The following NDST4 variants were observed in gnomAD, a reference collection of about 807,000 sequenced individuals.
NDST4 encodes the protein N-deacetylase and N-sulfotransferase 4.
In NDST4, 63 loss-of-function variants were observed where a neutral mutation model predicts 100.8. That is an observed-to-expected ratio of 0.62 (90% CI 0.51 to 0.77). The LOEUF (loss-of-function observed/expected upper bound fraction) is 0.77. Ranked by LOEUF, NDST4 falls within the 30% of genes least tolerant of loss-of-function variation. The pLI, the probability that NDST4 is intolerant of heterozygous loss-of-function variation, is 0.00. For missense variants in NDST4, 943 were observed against 1,018.4 expected (o/e 0.93, Z 1.01); for synonymous variants, 377 against 361.8 (o/e 1.04, Z -0.48).
intron 4 of NDST4, among the ~76,000 whole-genome samples, chr4:114,964,429 TTATAGTC>T (rs1229295435): frequency 1.3e-5 from 2 of 152,186 alleles, no homozygotes; most frequent in African/African-American, 4.8e-5. Flanking sequence ...TTTTAGGTCT[TTATAGTC>T]TAAGTAACTT....
At chr4:115,010,047 A>C (rs1727508276) in intron 2 of NDST4, among the ~76,000 whole-genome samples, 2 of 112,354 alleles carry the variant, frequency 1.8e-5, no homozygotes, top group Middle Eastern at 5.2e-3. Context: ...CAGGTGCTGG[A>C]GAGGATGTGG....
chr4:114,883,506 A>T (rs568398249), intron 6 of NDST4, among the ~76,000 whole-genome samples: 1 of 152,272 alleles, frequency 6.6e-6, no homozygotes, highest in Admixed American at 6.6e-5. Flanking sequence ...TGCAATGTTC[A>T]ATTAAAACCT....
intron 2 of NDST4, among the ~76,000 whole-genome samples, chr4:114,986,793 C>CATACATACATATATATATAT (rs1553959380): frequency 1.1e-5 from 1 of 91,148 alleles, no homozygotes; most frequent in African/African-American, 4.5e-5. Context: ...TCCAATTATA[C>CATACATACATATATATATAT]ATATATATAT....
intron 6 of NDST4, among the ~76,000 whole-genome samples, chr4:114,915,611 G>A (rs1420299554): frequency 6.6e-6 from 1 of 152,064 alleles, no homozygotes. Flanking sequence ...AAGACACTAA[G>A]TAAACTAATG....
chr4:114,942,207 C>A (rs1725765218), intron 4 of NDST4, among the ~76,000 whole-genome samples: 1 of 152,108 alleles, frequency 6.6e-6, no homozygotes, highest in Non-Finnish European at 1.5e-5. Context: ...TTAAACTACA[C>A]TTGAAATAAT....
chr4:114,839,088 T>C (rs1271399673), intron 11 of NDST4, among the ~76,000 whole-genome samples: 2 of 152,180 alleles, frequency 1.3e-5, no homozygotes, highest in Non-Finnish European at 2.9e-5. Flanking sequence ...ACTTATCACC[T>C]TGAAACTAGC....
At chr4:115,029,547 A>G (rs1728070692) in intron 2 of NDST4, among the ~76,000 whole-genome samples, 1 of 152,142 alleles carries the variant, frequency 6.6e-6, no homozygotes, top group African/African-American at 2.4e-5. Context: ...CATCTAGGAT[A>G]AAGTAGGGAT....
rs775011469 is a variant in NDST4, at chr4:114,848,302, G to C, written c.1853C>G (p.Pro618Arg). 39 of 1,604,876 alleles carry C rather than the reference G, an allele frequency of 2.4e-5. No individual in the cohort carries two copies. In the African/African-American group the frequency reaches 4.7e-4, roughly 19 times the overall value. ...TALYLFLLMHPSIISNLPSPK... is the reference protein window; with the variant it reads ...TALYLFLLMHRSIISNLPSPK... Reference sequence around the variant, plus strand: ...ACTAGGGAGATTGCTGATGATTGAAGGATGCATAAGAAGAAATAAATAAAG... The same window carrying C: ...ACTAGGGAGATTGCTGATGATTGAACGATGCATAAGAAGAAATAAATAAAG... Residue 618 changes from proline to arginine, a missense_variant, in exon 9 of 14, where the codon CCT becomes CGT. Around this residue, in one of 2 missense-constraint regions of NDST4, gnomAD observed 526 missense variants for 634.1 expected, o/e 0.83. Coordinates refer to ENST00000264363, the MANE Select transcript of NDST4 (RefSeq NM_022569.3).
intron 1 of NDST4, among the ~76,000 whole-genome samples, chr4:115,089,186 G>C (rs989856542): frequency 3.9e-5 from 6 of 151,952 alleles, no homozygotes; most frequent in African/African-American, 1.4e-4. Context: ...TGGATGGAAG[G>C]AGTCTGAACT....
At chr4:115,009,036 G>A (rs1727483321) in intron 2 of NDST4, among the ~76,000 whole-genome samples, 1 of 125,686 alleles carries the variant, frequency 8.0e-6, no homozygotes, top group Non-Finnish European at 1.7e-5. Flanking sequence ...AATAAAAGAG[G>A]ATACAAAGAA....
intron 1 of NDST4, among the ~76,000 whole-genome samples, chr4:115,093,481 TA>T (rs796281054): frequency 6.2e-5 from 9 of 146,134 alleles, no homozygotes; most frequent in Non-Finnish European, 1.4e-4. Context: ...TCTCAAAAAA[TA>T]AAAAAAAAAT....
chr4:114,998,756 G>T (rs1727219117), intron 2 of NDST4, among the ~76,000 whole-genome samples: 1 of 151,972 alleles, frequency 6.6e-6, no homozygotes, highest in African/African-American at 2.4e-5. Context: ...CCATTTCCCT[G>T]GGAAACTGCT....
intron 1 of NDST4, among the ~76,000 whole-genome samples, chr4:115,111,792 G>T (rs1017993804): frequency 1.3e-5 from 2 of 151,526 alleles, no homozygotes; most frequent in Non-Finnish European, 3.0e-5. Flanking sequence ...GAGTTAAAAG[G>T]CCCATTCTGC....
At chr4:114,840,416 A>T (rs1368721961) in intron 10 of NDST4, among the ~76,000 whole-genome samples, 1 of 152,224 alleles carries the variant, frequency 6.6e-6, no homozygotes, top group Non-Finnish European at 1.5e-5. Context: ...TCTTCAAAGA[A>T]ATCAGATCTA....
chr4:114,929,117 T>TCC (rs1560817145), intron 6 of NDST4, among the ~76,000 whole-genome samples: 82 of 111,096 alleles, frequency 7.4e-4, no homozygotes, highest in East Asian at 3.1e-3. Context: ...TCCATCCATC[T>TCC]ATCTATCTAT....
chr4:114,849,658 A>G (rs1011619408), intron 8 of NDST4, among the ~76,000 whole-genome samples: 4 of 152,232 alleles, frequency 2.6e-5, no homozygotes, highest in African/African-American at 7.2e-5. Context: ...TAAAACACCT[A>G]GAATGAAACA....
At chr4:114,898,210 G>C (rs2126208923) in intron 6 of NDST4, among the ~76,000 whole-genome samples, 1 of 152,204 alleles carries the variant, frequency 6.6e-6, no homozygotes, top group South Asian at 2.1e-4. Context: ...GTAGGTCTAT[G>C]ATCTATTTTG....
At position 115,008,982 on chromosome 4, in the gene NDST4, A is replaced by G. The variant is rs1379794409; in HGVS notation, c.979-31708T>C. On this transcript the variant is annotated intron_variant, in intron 2 of 13. Coordinates refer to ENST00000264363, the MANE Select transcript of NDST4 (RefSeq NM_022569.3). ...CCTAGGAATCCAACTTACAAGGGAC[A>G]TGAAGGACCTCTTCAAGGAGAACTA... Among the ~76,000 whole-genome samples, 6 of 126,868 alleles carry G rather than the reference A, an allele frequency of 4.7e-5. 1 individual carries two copies. Among genetic ancestry groups the G allele is most frequent in the African/African-American group, 1.8e-4 (6 of 33,468 alleles). The allele number at this position is 126,868 out of a possible 152,430, so 83.2% of individuals were successfully genotyped here.
At chr4:114,921,054 ACAGT>A (rs1222099983) in intron 6 of NDST4, among the ~76,000 whole-genome samples, 4 of 152,220 alleles carry the variant, frequency 2.6e-5, no homozygotes, top group South Asian at 2.1e-4. Flanking sequence ...AACTTCTGCC[ACAGT>A]CAGTGTTGAA....
Sources: allele counts gnomAD v4.1 joint callset (sites outside exome capture counted in the v4.1 genomes callset), GRCh38; gene constraint gnomAD v4.1.1; regional missense constraint gnomAD v4.1.1; transcripts MANE v1.5; gene names NCBI Gene and HGNC (gene_info 2026-07-23, HGNC 2026-07-21).